Variants in CA5B observed in about 807,000 individuals in gnomAD.
CA5B encodes the protein carbonic anhydrase 5B, mitochondrial.
A neutral mutation model predicts 23.1 loss-of-function variants in CA5B; 15 were observed. The observed-to-expected ratio is 0.65, with a 90% confidence interval of 0.43 to 1.00. The LOEUF (loss-of-function observed/expected upper bound fraction) is 1.00. Among genes scored for constraint, CA5B ranks in the 50% least tolerant of loss-of-function variants. The pLI is 0.00. For synonymous variants in CA5B, 84 were observed against 98.5 expected (o/e 0.85, Z 0.87); for missense variants, 236 against 252.2 (o/e 0.94, Z 0.43).
Position 15,774,405 on chromosome X carries a change from A to G in CA5B, c.555+8A>G, listed in dbSNP as rs907210876. 3 of 789,235 alleles carry G rather than the reference A, an allele frequency of 3.8e-6. No individual in the cohort carries two copies. The highest frequency in any genetic ancestry group is 3.0e-4 in the Middle Eastern group (1 of 3,365). 65.0% of individuals were successfully genotyped at this position (789,235 alleles called of 1,213,427 possible). ...ATAGGAGTATTTTTAAAGGTAAAAT[A>G]TCTCACCAACTTTAAATGACGTGTT... On this transcript the variant is annotated splice_region_variant and intron_variant, in intron 5 of 7. Coordinates refer to ENST00000318636, the MANE Select transcript of CA5B (RefSeq NM_007220.4).
chrX:15,778,794 C>G (rs754631615), intron 7 of CA5B, among the ~76,000 whole-genome samples: 2 of 110,297 alleles, frequency 1.8e-5, no homozygotes. Flanking sequence ...ACTTTTAAAC[C>G]GTCAGATCTC....
At chrX:15,776,564 G>A (rs1931934834) in intron 6 of CA5B, 150 bp from the exon 7 acceptor site, 3 of 445,394 alleles carry the variant, frequency 6.7e-6, no homozygotes, top group Admixed American at 3.7e-5. Flanking sequence ...CCTAAGCAGC[G>A]ATTCTTCAGG....
intron 7 of CA5B, among the ~76,000 whole-genome samples, chrX:15,779,554 T>C (rs937944632): frequency 5.4e-5 from 6 of 112,014 alleles, no homozygotes; most frequent in African/African-American, 1.9e-4. Flanking sequence ...ATATAGCATC[T>C]CAACTCAGTA....
At chrX:15,758,386 T>G (rs1476341531) in intron 2 of CA5B, among the ~76,000 whole-genome samples, 1 of 112,493 alleles carries the variant, frequency 8.9e-6, no homozygotes, top group Non-Finnish European at 1.9e-5. Flanking sequence ...AGGGTATTAA[T>G]CCCGTTCATG....
intron 2 of CA5B, among the ~76,000 whole-genome samples, chrX:15,756,195 C>T (rs1034414475): frequency 6.2e-5 from 7 of 112,320 alleles, no homozygotes; most frequent in East Asian, 2.8e-4. Context: ...CAGATAGATA[C>T]GATTAGGTGA....
chrX:15,780,812 G>T (rs1241610868), intron 7 of CA5B, among the ~76,000 whole-genome samples: 3 of 111,957 alleles, frequency 2.7e-5, no homozygotes, highest in Non-Finnish European at 5.6e-5. Context: ...TTCAGTCGTA[G>T]TTCTGCCTCT....
chrX:15,769,646 T>G (rs1295738054), intron 3 of CA5B: 1 of 708,071 alleles, frequency 1.4e-6, no homozygotes, highest in African/African-American at 2.4e-5. Context: ...TTCCCTGTTT[T>G]AGGTCCTACA....
chrX:15,738,557 C>T (rs759169433), intron 1 of CA5B, among the ~76,000 whole-genome samples: 158 of 111,075 alleles, frequency 1.4e-3, no homozygotes, highest in Non-Finnish European at 2.6e-3. Context: ...CTCCCCCACC[C>T]CAGCCCTCTT....
At position 15,783,887 on chromosome X, in the gene CA5B, C is replaced by CTTTTTTTT. The variant is rs879222467; in HGVS notation, c.*1234_*1241dup. 1.3e-5 allele frequency: 1 copy of CTTTTTTTT among 78,584 alleles called. No homozygotes were observed. Among genetic ancestry groups the CTTTTTTTT allele is most frequent in the African/African-American group, 4.8e-5 (1 of 20,959 alleles). 6.5% of individuals were successfully genotyped at this position (78,584 alleles called of 1,213,427 possible). ...ACATTTCCAGAAATATTTTTCTTTTCTTTTTTTTTTTTTTTTTTGAGATGG... is the reference window on the plus strand; with the variant it reads ...ACATTTCCAGAAATATTTTTCTTTTCTTTTTTTTTTTTTTTTTTTTTTTTTTGAGATGG... On this transcript the variant is annotated 3_prime_UTR_variant, in exon 8 of 8. Transcript: ENST00000318636.
At chrX:15,757,407 G>A (rs12393271) in intron 2 of CA5B, among the ~76,000 whole-genome samples, 35,726 of 110,416 alleles carry the variant, frequency 0.32, 5,752 homozygotes, top group Non-Finnish European at 0.49. Flanking sequence ...TCCCAGCTAC[G>A]TGGGAGGCTG....
intron 1 of CA5B, among the ~76,000 whole-genome samples, chrX:15,748,554 G>A (rs946072735): frequency 3.6e-5 from 4 of 110,964 alleles, no homozygotes; most frequent in Admixed American, 2.9e-4. Context: ...TACATGCTCC[G>A]TTCAAAAATG....
At chrX:15,751,562 A>G (rs1340366728) in intron 2 of CA5B, among the ~76,000 whole-genome samples, 1 of 109,057 alleles carries the variant, frequency 9.2e-6, no homozygotes, top group Non-Finnish European at 1.9e-5. Context: ...TGACAGTTGA[A>G]ATTAAACATC....
chrX:15,781,042 G>A (rs944684887), intron 7 of CA5B, among the ~76,000 whole-genome samples: 4 of 107,630 alleles, frequency 3.7e-5, no homozygotes, highest in Non-Finnish European at 7.7e-5. Context: ...CCAGTGGCGC[G>A]TGCCCAGGTG....
intron 2 of CA5B, among the ~76,000 whole-genome samples, chrX:15,761,062 A>G (rs1431349443): frequency 1.8e-5 from 2 of 112,003 alleles, no homozygotes; most frequent in African/African-American, 3.2e-5. Context: ...AAAATACGGT[A>G]TATTATATGT....
At chrX:15,765,291 T>A (rs1931683293) in intron 3 of CA5B, 4 of 399,572 alleles carry the variant, frequency 1.0e-5, no homozygotes, top group Non-Finnish European at 1.3e-5. Context: ...TTTTGTTAAA[T>A]AAACAGTGTT....
In CA5B at chrX:15,787,092, G is replaced by C. The variant is rs932256431; in HGVS notation, c.*4428G>C. 1.1e-4 allele frequency: 12 copies of C among 112,099 alleles called. No homozygotes were observed. Among genetic ancestry groups the C allele is most frequent in the African/African-American group, 3.9e-4 (12 of 30,887 alleles). 9.2% of individuals were successfully genotyped at this position (112,099 alleles called of 1,213,427 possible). A position where few individuals can be genotyped will look rare whatever the true frequency, so the allele number is the denominator to read the frequency against. On this transcript the variant is annotated 3_prime_UTR_variant, in exon 8 of 8. Transcript: ENST00000318636. The stretch of plus-strand genomic sequence containing the variant: ...GGGCGGGGCTGATGGAGTCTTGATT[G>C]TACGTGCCCCACTTGCACCACAGCC...
chrX:15,779,816 A>T (rs1349057523), intron 7 of CA5B, among the ~76,000 whole-genome samples: 5 of 112,114 alleles, frequency 4.5e-5, no homozygotes, highest in Non-Finnish European at 9.4e-5. Context: ...AAAAATTGAC[A>T]CATTTCCTTG....
At chrX:15,742,751 C>G (rs753020838) in intron 1 of CA5B, among the ~76,000 whole-genome samples, 104 of 112,791 alleles carry the variant, frequency 9.2e-4, no homozygotes, top group African/African-American at 3.2e-3. Context: ...GAAACCTCCA[C>G]TGTCTCCCCT....
At chrX:15,775,807 C>G (rs138363271) in intron 6 of CA5B, 2 of 738,495 alleles carry the variant, frequency 2.7e-6, no homozygotes, top group African/African-American at 4.7e-5. Context: ...CTTCTTCTCC[C>G]TCTCATCCCC....
Sources: allele counts gnomAD v4.1 joint callset (sites outside exome capture counted in the v4.1 genomes callset), GRCh38; gene constraint gnomAD v4.1.1; transcripts MANE v1.5; gene names NCBI Gene and HGNC (gene_info 2026-07-23, HGNC 2026-07-21).